Variants in ATP9A observed in about 807,000 individuals in gnomAD.
ATP9A encodes the protein ATPase phospholipid transporting 9A.
ATP9A carries 52 observed loss-of-function variants against 144.1 expected under a neutral mutation model. The ratio of observed to expected loss-of-function variants is 0.36; its 90% CI spans 0.29 to 0.45. ATP9A has a LOEUF of 0.45. Ranked by LOEUF, ATP9A falls within the 20% of genes least tolerant of loss-of-function variation. The pLI is 1.00. For synonymous variants in ATP9A, 582 were observed against 557.4 expected (o/e 1.04, Z -0.62); for missense variants, 947 against 1,392.7 (o/e 0.68, Z 5.09).
chr20:51,634,621 C>T (rs1206621289), intron 15 of ATP9A, among the ~76,000 whole-genome samples: 1 of 151,990 alleles, frequency 6.6e-6, no homozygotes, highest in African/African-American at 2.4e-5. Flanking sequence ...TTTGGGAGGC[C>T]GAGGTGGGTG....
intron 1 of ATP9A, among the ~76,000 whole-genome samples, chr20:51,738,572 C>T (rs1478491579): frequency 2.0e-5 from 3 of 151,834 alleles, no homozygotes; most frequent in Admixed American, 1.3e-4. Context: ...GGCATGGTGG[C>T]GCATGACACA....
intron 13 of ATP9A, among the ~76,000 whole-genome samples, chr20:51,664,863 G>A (rs531679992): frequency 6.6e-6 from 1 of 150,988 alleles, no homozygotes; most frequent in Admixed American, 6.6e-5. Context: ...GGGATTACAG[G>A]TGCCCGCCAC....
chr20:51,699,135 A>G (rs531643572), intron 4 of ATP9A, among the ~76,000 whole-genome samples: 108 of 152,262 alleles, frequency 7.1e-4, no homozygotes, highest in Non-Finnish European at 1.3e-3. Context: ...TGAGGTCAGG[A>G]GTTCAAGACC....
At position 51,661,347 on chromosome 20, in the gene ATP9A, T is replaced by C. The variant is rs528184186; in HGVS notation, c.1294-4197A>G. On this transcript the variant is annotated intron_variant, in intron 13 of 27. Transcript: ENST00000338821. Reference sequence around the variant, plus strand: ...ACTATTAATGGATATTAGGAATGGGTTGCAATTGACTGAAATACACTTTTT... The same window carrying C: ...ACTATTAATGGATATTAGGAATGGGCTGCAATTGACTGAAATACACTTTTT... Among the ~76,000 whole-genome samples the C allele has an allele frequency of 8.2e-4, 124 of 150,614 alleles. 1 individual carries two copies. In the Middle Eastern group the frequency reaches 0.01, roughly 12 times the overall value.
intron 15 of ATP9A, among the ~76,000 whole-genome samples, chr20:51,635,822 A>AAGGAAGGAAGGAAGGG (rs1270595027): frequency 1.4e-4 from 17 of 119,434 alleles, no homozygotes; most frequent in African/African-American, 2.9e-4. Context: ...GGAAGGAAGG[A>AAGGAAGGAAGGAAGGG]AGGGAGGGAG....
At chr20:51,734,190 C>T (rs928212235) in intron 1 of ATP9A, among the ~76,000 whole-genome samples, 2 of 151,874 alleles carry the variant, frequency 1.3e-5, no homozygotes, top group African/African-American at 2.4e-5. Flanking sequence ...CACCATGCAG[C>T]CCAGGCTGGT....
At chr20:51,603,745 A>G (rs886944514) in intron 27 of ATP9A, among the ~76,000 whole-genome samples, 2 of 151,182 alleles carry the variant, frequency 1.3e-5, no homozygotes, top group East Asian at 1.9e-4. Flanking sequence ...ACACTCCCCC[A>G]TCTCTACATT....
chr20:51,680,618 A>AT (rs1290516549), intron 9 of ATP9A, among the ~76,000 whole-genome samples: 1 of 151,652 alleles, frequency 6.6e-6, no homozygotes, highest in East Asian at 1.9e-4. Context: ...AAGCTTTTTT[A>AT]TTTTTTTTCA....
chr20:51,651,705 G>A (rs1163672094), intron 14 of ATP9A, among the ~76,000 whole-genome samples: 1 of 152,046 alleles, frequency 6.6e-6, no homozygotes, highest in East Asian at 1.9e-4. Context: ...GAGGTGAGTG[G>A]ATCATTTGAG....
intron 12 of ATP9A, 120 bp downstream of exon 12, chr20:51,670,995 A>G: frequency 9.1e-7 from 1 of 1,103,328 alleles, no homozygotes; most frequent in Non-Finnish European, 1.3e-6. Flanking sequence ...AGATGAAGGG[A>G]ATAAAATAGC....
At chr20:51,643,231 C>T (rs2077328223) in intron 14 of ATP9A, among the ~76,000 whole-genome samples, 1 of 152,242 alleles carries the variant, frequency 6.6e-6, no homozygotes, top group African/African-American at 2.4e-5. Context: ...AACTGTCATA[C>T]TGACCTCTAC....
intron 1 of ATP9A, among the ~76,000 whole-genome samples, chr20:51,759,172 C>T (rs926438408): frequency 2.6e-5 from 4 of 152,196 alleles, no homozygotes; most frequent in African/African-American, 4.8e-5. Flanking sequence ...CCCCATGGGC[C>T]GCTGCCAAGC....
intron 4 of ATP9A, among the ~76,000 whole-genome samples, chr20:51,704,646 G>A (rs1195900661): frequency 6.6e-6 from 1 of 152,174 alleles, no homozygotes; most frequent in Non-Finnish European, 1.5e-5. Flanking sequence ...TGGGCATGGT[G>A]GCACATGCCT....
At chr20:51,739,347 CTCTT>C (rs1394564521) in intron 1 of ATP9A, among the ~76,000 whole-genome samples, 2 of 149,718 alleles carry the variant, frequency 1.3e-5, no homozygotes, top group Admixed American at 6.7e-5. Flanking sequence ...CCTACACTCA[CTCTT>C]TTTTTTTTTT....
At chr20:51,701,330 C>A (rs2077592386) in intron 4 of ATP9A, among the ~76,000 whole-genome samples, 1 of 152,188 alleles carries the variant, frequency 6.6e-6, no homozygotes, top group Non-Finnish European at 1.5e-5. Flanking sequence ...CTTTCTCTGG[C>A]ACATATATTT....
At chr20:51,682,287 T>C (rs2077503071) in intron 9 of ATP9A, among the ~76,000 whole-genome samples, 1 of 152,100 alleles carries the variant, frequency 6.6e-6, no homozygotes, top group Non-Finnish European at 1.5e-5. Context: ...GCACTATGTT[T>C]AGGATTTTCT....
chr20:51,660,115 C>A (rs1222338211), intron 13 of ATP9A, among the ~76,000 whole-genome samples: 2 of 152,162 alleles, frequency 1.3e-5, no homozygotes, highest in African/African-American at 4.8e-5. Context: ...GTTCTAGCCA[C>A]GAACACGTGT....
chr20:51,755,623 T>C (rs1339828927), intron 1 of ATP9A, among the ~76,000 whole-genome samples: 1 of 151,898 alleles, frequency 6.6e-6, no homozygotes, highest in Admixed American at 6.6e-5. Context: ...AAATATACCC[T>C]AGGGCCCAGC....
intron 3 of ATP9A, among the ~76,000 whole-genome samples, chr20:51,724,737 C>G (rs148662177): frequency 3.3e-5 from 5 of 152,286 alleles, no homozygotes; most frequent in Non-Finnish European, 5.9e-5. Flanking sequence ...CACCATCTGC[C>G]AAATCAATGG....
Sources: gnomAD v4.1 joint callset for allele counts (sites outside exome capture counted in the v4.1 genomes callset) on GRCh38, gnomAD v4.1.1 for gene constraint, MANE v1.5 for transcripts, NCBI Gene and HGNC (gene_info 2026-07-23, HGNC 2026-07-21) for gene names.